MDGA2: variants seen among roughly 807,000 people sequenced by gnomAD.
MDGA2 encodes the protein MAM domain-containing glycosylphosphatidylinositol anchor protein 2.
MDGA2 carries 40 observed loss-of-function variants against 117.8 expected under a neutral mutation model. The observed-to-expected ratio is 0.34, with a 90% CI of 0.26 to 0.44. MDGA2 has a LOEUF of 0.44. MDGA2 is among the 20% of genes least tolerant of loss of function. The pLI is 1.00. For synonymous variants in MDGA2, 452 were observed against 439.0 expected (o/e 1.03, Z -0.37); for missense variants, 1,123 against 1,250.6 (o/e 0.90, Z 1.54).
intron 1 of MDGA2, among the ~76,000 whole-genome samples, chr14:47,326,683 G>T (rs968938338): frequency 2.5e-5 from 2 of 81,164 alleles, no homozygotes; most frequent in Non-Finnish European, 6.1e-5. Context: ...CAGTAAGATA[G>T]TATACACACA....
intron 6 of MDGA2, among the ~76,000 whole-genome samples, chr14:47,094,282 T>TA (rs1216151899): frequency 2.0e-5 from 3 of 152,036 alleles, no homozygotes; most frequent in African/African-American, 7.2e-5. Flanking sequence ...ATTAAAGGCA[T>TA]AAAAAGAAAT....
At chr14:47,458,397 G>A (rs374848145) in intron 1 of MDGA2, among the ~76,000 whole-genome samples, 1 of 152,040 alleles carries the variant, frequency 6.6e-6, no homozygotes, top group Admixed American at 6.6e-5. Flanking sequence ...TTTCCTTCTG[G>A]AAGTTTTATT....
At chr14:47,279,619 G>T (rs931415274) in intron 2 of MDGA2, among the ~76,000 whole-genome samples, 1 of 151,480 alleles carries the variant, frequency 6.6e-6, no homozygotes, top group Non-Finnish European at 1.5e-5. Context: ...AGAGTTTCCC[G>T]TCATCCTTAA....
At chr14:47,473,680 AAAG>A (rs1346211542) in intron 1 of MDGA2, among the ~76,000 whole-genome samples, 2 of 152,168 alleles carry the variant, frequency 1.3e-5, no homozygotes, top group Admixed American at 6.6e-5. Context: ...TCCAATAAAA[AAAG>A]AATAAGATTA....
intron 1 of MDGA2, among the ~76,000 whole-genome samples, chr14:47,599,896 G>T (rs1896614966): frequency 6.6e-6 from 1 of 151,952 alleles, no homozygotes; most frequent in African/African-American, 2.4e-5. Flanking sequence ...ACAAATTAAA[G>T]ATTTAATATA....
chr14:47,009,166 A>G (rs760640646), intron 8 of MDGA2, among the ~76,000 whole-genome samples: 8 of 151,984 alleles, frequency 5.3e-5, no homozygotes, highest in South Asian at 2.1e-4. Context: ...TTTAGTTCAC[A>G]TTTTCCACAT....
intron 6 of MDGA2, among the ~76,000 whole-genome samples, chr14:47,083,453 A>T (rs997828499): frequency 3.5e-5 from 5 of 143,346 alleles, no homozygotes; most frequent in Admixed American, 7.0e-5. Flanking sequence ...AGGGAAAAGT[A>T]CACTACTCTA....
chr14:46,931,711 C>T (rs1422370806), intron 9 of MDGA2, among the ~76,000 whole-genome samples: 3 of 151,550 alleles, frequency 2.0e-5, no homozygotes, highest in South Asian at 2.1e-4. Context: ...TTAGTAGAGA[C>T]GGGGTTTCGC....
Position 46,840,253 on chromosome 14 carries a change from C to G in MDGA2, c.*1678G>C, listed in dbSNP as rs548556679. ...GCTTTTATATTAATATTTGCAAATG[C>G]TATAATTTAATACTTATATTCCAAT... On this transcript the variant is annotated 3_prime_UTR_variant, in exon 17 of 17. Coordinates refer to ENST00000399232, the MANE Select transcript of MDGA2 (RefSeq NM_001113498.3). The G allele has an allele frequency of 1.3e-5, 2 of 152,344 alleles. No individual in the cohort carries two copies. Among genetic ancestry groups the G allele is most frequent in the Non-Finnish European group, 2.9e-5 (2 of 67,930 alleles). The allele number at this position is 152,344 out of a possible 1,614,324, so 9.4% of individuals were successfully genotyped here. A position where few individuals can be genotyped will look rare whatever the true frequency, so the allele number is the denominator to read the frequency against.
intron 1 of MDGA2, among the ~76,000 whole-genome samples, chr14:47,340,921 T>C (rs1260349552): frequency 2.0e-5 from 3 of 152,320 alleles, no homozygotes; most frequent in Admixed American, 6.5e-5. Context: ...CGCTTTGTTA[T>C]GCTGTTTCTG....
intron 1 of MDGA2, among the ~76,000 whole-genome samples, chr14:47,327,058 A>T (rs1890165626): frequency 6.6e-6 from 1 of 152,184 alleles, no homozygotes; most frequent in African/African-American, 2.4e-5. Context: ...CCTGGGCCTG[A>T]ACAGACAAGA....
At chr14:47,170,872 TTTAAG>T (rs1441845125) in intron 3 of MDGA2, among the ~76,000 whole-genome samples, 5 of 152,306 alleles carry the variant, frequency 3.3e-5, no homozygotes, top group African/African-American at 1.2e-4. Context: ...AAGAATATTT[TTTAAG>T]TTAACGACGT....
intron 1 of MDGA2, among the ~76,000 whole-genome samples, chr14:47,452,472 C>G (rs1315319338): frequency 6.6e-6 from 1 of 151,736 alleles, no homozygotes; most frequent in African/African-American, 2.4e-5. Flanking sequence ...GGATATATAC[C>G]AGTTATGTTC....
intron 1 of MDGA2, among the ~76,000 whole-genome samples, chr14:47,342,040 A>G (rs186001842): frequency 4.6e-4 from 70 of 151,860 alleles, no homozygotes; most frequent in African/African-American, 1.6e-3. Flanking sequence ...GGTAGTAGAG[A>G]CAGGTGCACC....
intron 9 of MDGA2, among the ~76,000 whole-genome samples, chr14:46,933,302 T>C (rs1884648779): frequency 6.6e-6 from 1 of 151,962 alleles, no homozygotes; most frequent in Non-Finnish European, 1.5e-5. Context: ...AGCAAAATAA[T>C]AATAGCAATA....
intron 8 of MDGA2, among the ~76,000 whole-genome samples, chr14:46,988,192 C>T (rs150485038): frequency 5.1e-4 from 77 of 150,874 alleles, no homozygotes; most frequent in African/African-American, 1.7e-3. Flanking sequence ...TCCTCAGATT[C>T]AAAATGGGAG....
intron 1 of MDGA2, among the ~76,000 whole-genome samples, chr14:47,606,002 T>C (rs575144480): frequency 1.3e-5 from 2 of 152,278 alleles, no homozygotes; most frequent in South Asian, 2.1e-4. Flanking sequence ...TCAAACACCA[T>C]ATCTAATGGT....
At chr14:47,552,092 C>T (rs530323715) in intron 1 of MDGA2, among the ~76,000 whole-genome samples, 2 of 152,252 alleles carry the variant, frequency 1.3e-5, no homozygotes, top group East Asian at 3.9e-4. Context: ...TTTCTTTCCT[C>T]CTCCCTTGCC....
At chr14:47,421,463 C>T (rs1892577305) in intron 1 of MDGA2, among the ~76,000 whole-genome samples, 1 of 150,510 alleles carries the variant, frequency 6.6e-6, no homozygotes, top group Non-Finnish European at 1.5e-5. Flanking sequence ...CTGTAACTTC[C>T]ATCCTTTAAT....
Sources: gnomAD v4.1 joint callset for allele counts (sites outside exome capture counted in the v4.1 genomes callset) on GRCh38, gnomAD v4.1.1 for gene constraint, MANE v1.5 for transcripts, NCBI Gene and HGNC (gene_info 2026-07-23, HGNC 2026-07-21) for gene names.